KIRREL3: variants seen among roughly 807,000 people sequenced by gnomAD.
KIRREL3 encodes kirre like nephrin family adhesion molecule 3, also known as kin of IRRE-like protein 3.
KIRREL3 carries 36 observed loss-of-function variants against 89.7 expected under a neutral mutation model. The ratio of observed to expected loss-of-function variants is 0.40; its 90% CI spans 0.31 to 0.53. The LOEUF (loss-of-function observed/expected upper bound fraction) is 0.53. Ranked by LOEUF, KIRREL3 falls within the 20% of genes least tolerant of loss-of-function variation. The pLI is 0.49. For synonymous variants in KIRREL3, 445 were observed against 441.4 expected, an observed-to-expected ratio of 1.01 and a Z score of -0.10; for missense variants, 864 against 1,056.6, an observed-to-expected ratio of 0.82 and a Z score of 2.53.
intron 2 of KIRREL3, among the ~76,000 whole-genome samples, chr11:126,542,476 A>G (rs752757375): frequency 1.3e-5 from 2 of 152,208 alleles, no homozygotes; most frequent in Non-Finnish European, 2.9e-5. Context: ...TGATATTCAC[A>G]TTTGAATATG....
chr11:126,559,520 C>T (rs1378424317), intron 2 of KIRREL3, among the ~76,000 whole-genome samples: 2 of 150,292 alleles, frequency 1.3e-5, no homozygotes, highest in Non-Finnish European at 3.0e-5. Context: ...CCACTCGATA[C>T]ACACACCAGC....
chr11:126,585,080 C>T (rs1337118099), intron 1 of KIRREL3, among the ~76,000 whole-genome samples: 3 of 151,842 alleles, frequency 2.0e-5, no homozygotes, highest in African/African-American at 7.3e-5. Flanking sequence ...CCACCACGCC[C>T]GGCTAATTTT....
intron 5 of KIRREL3, among the ~76,000 whole-genome samples, chr11:126,464,631 CAG>C (rs1273262502): frequency 1.3e-5 from 2 of 151,940 alleles, no homozygotes; most frequent in African/African-American, 4.8e-5. Context: ...GAGGAGAAGA[CAG>C]AGAGAAACAG....
In KIRREL3 at chr11:126,685,243, C is replaced by T. The variant is rs189726661; in HGVS notation, c.56-122331G>A. On this transcript the variant is annotated intron_variant, in intron 1 of 16. Coordinates refer to ENST00000525144, the MANE Select transcript of KIRREL3 (RefSeq NM_032531.4). The surrounding 1 kb of genome is among the most constrained non-coding windows in gnomAD (Gnocchi z 5.5). ...CTGCTCTGGGGAGTCAGGGGCAGGG[C>T]GGCAGATGCTTGGGGTCACATGAAC... Among the ~76,000 whole-genome samples the T allele has an allele frequency of 1.2e-4, 18 of 152,246 alleles. No individual in the cohort carries two copies. The highest frequency in any genetic ancestry group is 3.6e-4 in the African/African-American group (15 of 41,536).
Position 126,463,353 on chromosome 11 carries a change from T to A in KIRREL3, c.592-46A>T. 6.3e-7 allele frequency: 1 copy of A among 1,583,708 alleles called. No individual in the cohort carries two copies. Among genetic ancestry groups the A allele is most frequent in the Non-Finnish European group, 8.6e-7 (1 of 1,160,852 alleles). On this transcript the variant is annotated intron_variant, in intron 5 of 16. Transcript: ENST00000525144. The surrounding 1 kb of genome is among the most constrained non-coding windows in gnomAD (Gnocchi z 5.9). ...GAGAGAAAGCTCCATGTCGCTTGGC[T>A]GGGGTGGCCAGCCTGGGTTGGGGGT...
intron 1 of KIRREL3, among the ~76,000 whole-genome samples, chr11:126,951,501 G>A (rs765300953): frequency 1.8e-4 from 28 of 152,112 alleles, no homozygotes; most frequent in Non-Finnish European, 3.1e-4. Context: ...GGAGATTATC[G>A]GGGGTATCTG....
chr11:126,665,332 A>G (rs1178008728), intron 1 of KIRREL3, among the ~76,000 whole-genome samples: 1 of 152,234 alleles, frequency 6.6e-6, no homozygotes, highest in Admixed American at 6.5e-5. Context: ...AAGAATATTT[A>G]AAATAAGATT....
At position 127,000,716 on chromosome 11, in the gene KIRREL3, C is replaced by A; in HGVS notation, c.-207G>T. On this transcript the variant is annotated 5_prime_UTR_variant, in exon 1 of 17. Coordinates refer to ENST00000525144, the MANE Select transcript of KIRREL3 (RefSeq NM_032531.4). This position sits in a 1 kb window ranked among gnomAD's most constrained non-coding sequence, Gnocchi z 7.1. ...GACACAAACTGCCTGTTCTTAGCCG[C>A]CTCGGGAAGCCGGGATTGTCAGCAA... 1 of 532,432 alleles carries A rather than the reference C, an allele frequency of 1.9e-6. No homozygotes were observed. The allele number at this position is 532,432 out of a possible 1,614,324, so 33.0% of individuals were successfully genotyped here.
chr11:126,537,326 G>T lies in KIRREL3; in HGVS notation c.134-10639C>A, dbSNP rs572552237. Among the ~76,000 whole-genome samples, 1 of 152,258 alleles carries T rather than the reference G, an allele frequency of 6.6e-6. No individual in the cohort carries two copies. The highest frequency in any genetic ancestry group is 2.1e-4 in the South Asian group (1 of 4,830). ...CTTGGATGGTCACATTTGACCACAGGTTACTGGATTACAAGGGATAAAGTG... is the reference window on the plus strand; with the variant it reads ...CTTGGATGGTCACATTTGACCACAGTTTACTGGATTACAAGGGATAAAGTG... On this transcript the variant is annotated intron_variant, in intron 2 of 16. Coordinates refer to ENST00000525144, the MANE Select transcript of KIRREL3 (RefSeq NM_032531.4). The surrounding 1 kb of genome is among the most constrained non-coding windows in gnomAD (Gnocchi z 4.3).
intron 1 of KIRREL3, among the ~76,000 whole-genome samples, chr11:126,857,783 G>GTGGGGC (rs374376909): frequency 1.6e-3 from 18 of 11,072 alleles, no homozygotes; most frequent in Middle Eastern, 0.042. Context: ...TTCAGGCTGT[G>GTGGGGC]GGGGTGGGGT....
chr11:126,603,401 G>C (rs1299337620), intron 1 of KIRREL3, among the ~76,000 whole-genome samples: 1 of 152,188 alleles, frequency 6.6e-6, no homozygotes, highest in Admixed American at 6.5e-5. Flanking sequence ...GGGAGCCTCA[G>C]GAATGAGGGC....
chr11:126,461,532 A>T (rs972647813), intron 6 of KIRREL3, among the ~76,000 whole-genome samples: 3 of 152,102 alleles, frequency 2.0e-5, no homozygotes, highest in Admixed American at 6.5e-5. Context: ...GGGGACAGAG[A>T]TGTTTGTTAA....
rs1946508269 is a variant in KIRREL3 at position 126,904,775 on chromosome 11, T to C, written c.55+95680A>G. ...TCGTCTATTTTTATCCTATGTTCAC[T>C]CAATATTTGTAGCATTCTCTTTGCG... On this transcript the variant is annotated intron_variant, in intron 1 of 16. Coordinates refer to ENST00000525144, the MANE Select transcript of KIRREL3 (RefSeq NM_032531.4). This position sits in a 1 kb window ranked among gnomAD's most constrained non-coding sequence, Gnocchi z 4.4. Among the ~76,000 whole-genome samples the C allele has an allele frequency of 6.6e-6, 1 of 152,224 alleles. No individual in the cohort carries two copies. Among genetic ancestry groups the C allele is most frequent in the South Asian group, 2.1e-4 (1 of 4,834 alleles).
intron 1 of KIRREL3, among the ~76,000 whole-genome samples, chr11:126,650,808 T>C (rs1167109508): frequency 6.6e-6 from 1 of 152,154 alleles, no homozygotes; most frequent in Non-Finnish European, 1.5e-5. Flanking sequence ...CTGGTACCAA[T>C]TTACTGTATT....
rs902817121 is a variant in KIRREL3 at position 126,780,430 on chromosome 11, C to A, written c.56-217518G>T. Among the ~76,000 whole-genome samples, 2 of 152,174 alleles carry A rather than the reference C, an allele frequency of 1.3e-5. No individual in the cohort carries two copies. Among genetic ancestry groups the A allele is most frequent in the African/African-American group, 2.4e-5 (1 of 41,442 alleles). ...TTAACTTAATGTTTGCTGAACCATC[C>A]CTTCTATCTCACTTACCTGATGTGG... On this transcript the variant is annotated intron_variant, in intron 1 of 16. Coordinates refer to ENST00000525144, the MANE Select transcript of KIRREL3 (RefSeq NM_032531.4). The surrounding 1 kb of genome is among the most constrained non-coding windows in gnomAD (Gnocchi z 5.3).
intron 1 of KIRREL3, among the ~76,000 whole-genome samples, chr11:126,980,065 A>C (rs375356713): frequency 6.6e-6 from 1 of 152,248 alleles, no homozygotes; most frequent in East Asian, 1.9e-4. Context: ...GCAGAGAAGA[A>C]AGGGCAGAGT....
rs1412971357 is a variant in KIRREL3 at position 126,780,406 on chromosome 11, T to C, written c.56-217494A>G. Among the ~76,000 whole-genome samples, 2 of 152,246 alleles carry C rather than the reference T, an allele frequency of 1.3e-5. No individual in the cohort carries two copies. The highest frequency in any genetic ancestry group is 4.8e-5 in the African/African-American group (2 of 41,472). ...TGGGGAAGCCTGACAGGGTTTCTTT[T>C]AACTTAATGTTTGCTGAACCATCCC... On this transcript the variant is annotated intron_variant, in intron 1 of 16. Transcript: ENST00000525144. This position sits in a 1 kb window ranked among gnomAD's most constrained non-coding sequence, Gnocchi z 5.3.
At chr11:126,927,419 T>C (rs1471064949) in intron 1 of KIRREL3, among the ~76,000 whole-genome samples, 1 of 152,264 alleles carries the variant, frequency 6.6e-6, no homozygotes, top group Non-Finnish European at 1.5e-5. Context: ...ATTTCAACTT[T>C]GCAATGCTAG....
rs1369464927 is a variant in KIRREL3 at position 126,748,636 on chromosome 11, G to GCGGGCA, written c.56-185725_56-185724insTGCCCG. The stretch of plus-strand genomic sequence containing the variant: ...AGGAAAGAAGAGGCCTCTGCGGGAA[G>GCGGGCA]GGGGCAGGGGCAGGAAGGCCAAGGC... On this transcript the variant is annotated intron_variant, in intron 1 of 16. Coordinates refer to ENST00000525144, the MANE Select transcript of KIRREL3 (RefSeq NM_032531.4). This position sits in a 1 kb window ranked among gnomAD's most constrained non-coding sequence, Gnocchi z 4.6. Among the ~76,000 whole-genome samples, 2 of 152,114 alleles carry GCGGGCA rather than the reference G, an allele frequency of 1.3e-5. No homozygotes were observed. The highest frequency in any genetic ancestry group is 1.3e-4 in the Admixed American group (2 of 15,282).
Sources: gnomAD v4.1 joint callset for allele counts (sites outside exome capture counted in the v4.1 genomes callset) on GRCh38, gnomAD v4.1.1 for gene constraint, Gnocchi (gnomAD v3.1) non-coding constraint, MANE v1.5 for transcripts, NCBI Gene and HGNC (gene_info 2026-07-23, HGNC 2026-07-21) for gene names.